UVRAG: variants seen among roughly 807,000 people sequenced by gnomAD.
UVRAG encodes UV radiation resistance associated, also known as UV radiation resistance-associated gene protein.
Under a neutral mutation model 78.0 loss-of-function variants are expected in UVRAG, and 19 were observed. The observed-to-expected ratio is 0.24, with a 90% CI of 0.17 to 0.36. UVRAG has a LOEUF of 0.36. Among genes scored for constraint, UVRAG ranks in the 10% least tolerant of loss-of-function variants. The pLI, the probability that UVRAG is intolerant of heterozygous loss-of-function variation, is 1.00. For synonymous variants in UVRAG, 323 were observed against 324.6 expected (o/e 1.00, Z 0.05); for missense variants, 740 against 853.8 (o/e 0.87, Z 1.66).
At chr11:75,935,978 A>C (rs899683469) in intron 6 of UVRAG, among the ~76,000 whole-genome samples, 47 of 152,206 alleles carry the variant, frequency 3.1e-4, no homozygotes, top group African/African-American at 1.1e-3. Context: ...CTCTCTGTCA[A>C]TCTGAAATAA....
chr11:75,963,000 A>G (rs1000498025), intron 7 of UVRAG, among the ~76,000 whole-genome samples: 1 of 152,184 alleles, frequency 6.6e-6, no homozygotes, highest in African/African-American at 2.4e-5. Flanking sequence ...CCTAGTCAAC[A>G]CAGAAGAAAA....
chr11:76,044,237 A>G (rs1302780731), intron 12 of UVRAG, among the ~76,000 whole-genome samples: 1 of 152,174 alleles, frequency 6.6e-6, no homozygotes, highest in Non-Finnish European at 1.5e-5. Flanking sequence ...GTGGCTTTTA[A>G]ACTTCAGGGG....
intron 12 of UVRAG, among the ~76,000 whole-genome samples, chr11:76,049,151 C>T (rs1474979198): frequency 6.6e-6 from 1 of 152,232 alleles, no homozygotes; most frequent in African/African-American, 2.4e-5. Context: ...CATCTACCTG[C>T]TGTCTCTTGA....
chr11:76,080,801 AAC>A (rs1254954031), intron 13 of UVRAG, among the ~76,000 whole-genome samples: 4 of 152,316 alleles, frequency 2.6e-5, no homozygotes, highest in Middle Eastern at 6.8e-3. Context: ...TACTTTGTAA[AAC>A]ACAGCTATAT....
chr11:75,922,958 C>T lies in UVRAG; in HGVS notation c.593+10919C>T, dbSNP rs146717458. ...GAAAGGAAAAAAAAAAAAAGAAAAA[C>T]GAACATATATATATAAGAAAAAAAT... is the stretch of plus-strand genomic sequence containing the variant. On this transcript the variant is annotated intron_variant, in intron 6 of 14. Coordinates refer to ENST00000356136, the MANE Select transcript of UVRAG (RefSeq NM_003369.4). Among the ~76,000 whole-genome samples the T allele has an allele frequency of 3.5e-3, 513 of 144,602 alleles. 3 individuals carry two copies. Among genetic ancestry groups the T allele is most frequent in the African/African-American group, 0.01 (414 of 39,468 alleles). 94.9% of individuals were successfully genotyped at this position (144,602 alleles called of 152,430 possible). A position where few individuals can be genotyped will look rare whatever the true frequency, so the allele number is the denominator to read the frequency against.
chr11:76,031,547 T>A (rs1185264924), intron 12 of UVRAG, among the ~76,000 whole-genome samples: 1 of 152,230 alleles, frequency 6.6e-6, no homozygotes, highest in East Asian at 1.9e-4. Context: ...CTAGTATTAC[T>A]GTCATCTCAG....
intron 6 of UVRAG, among the ~76,000 whole-genome samples, chr11:75,925,979 C>T (rs1041706211): frequency 2.0e-5 from 3 of 152,004 alleles, no homozygotes; most frequent in East Asian, 3.9e-4. Context: ...AGGAATTCCC[C>T]GTGACATTCT....
intron 13 of UVRAG, among the ~76,000 whole-genome samples, chr11:76,090,718 A>G (rs909840638): frequency 6.6e-6 from 1 of 151,040 alleles, no homozygotes; most frequent in Non-Finnish European, 1.5e-5. Flanking sequence ...TTTTTCTTTG[A>G]TTAGTTTTCA....
chr11:75,840,416 G>A (rs1452194469), intron 1 of UVRAG, among the ~76,000 whole-genome samples: 2 of 152,084 alleles, frequency 1.3e-5, no homozygotes, highest in Non-Finnish European at 2.9e-5. Flanking sequence ...AGAATGGGGC[G>A]GGGGAAGGCA....
At chr11:75,995,209 T>C (rs1400250261) in intron 8 of UVRAG, among the ~76,000 whole-genome samples, 1 of 151,048 alleles carries the variant, frequency 6.6e-6, no homozygotes, top group Non-Finnish European at 1.5e-5. Context: ...TTGACCCAAG[T>C]GTGTCTATGA....
At chr11:75,875,937 G>A (rs1946766213) in intron 3 of UVRAG, among the ~76,000 whole-genome samples, 1 of 152,208 alleles carries the variant, frequency 6.6e-6, no homozygotes, top group Non-Finnish European at 1.5e-5. Flanking sequence ...ACTTTGGGAC[G>A]CTGAGGTGGG....
At chr11:75,871,631 T>C (rs1359477313) in intron 3 of UVRAG, among the ~76,000 whole-genome samples, 1 of 152,238 alleles carries the variant, frequency 6.6e-6, no homozygotes, top group African/African-American at 2.4e-5. Context: ...TTCGTTCATG[T>C]TGTATATAGT....
At chr11:75,950,963 T>TACACACACACACACACACACACAC (rs35864936) in intron 6 of UVRAG, among the ~76,000 whole-genome samples, 12 of 140,054 alleles carry the variant, frequency 8.6e-5, no homozygotes, top group African/African-American at 3.1e-4. Flanking sequence ...TTGTCAGGTG[T>TACACACACACACACACACACACAC]ACACACACAC....
intron 12 of UVRAG, among the ~76,000 whole-genome samples, chr11:76,055,193 A>G (rs1304318286): frequency 6.6e-6 from 1 of 152,004 alleles, no homozygotes; most frequent in Non-Finnish European, 1.5e-5. Context: ...GATTACAGGC[A>G]TACACCATCA....
chr11:76,059,229 C>T (rs1389259006), intron 12 of UVRAG, among the ~76,000 whole-genome samples: 1 of 152,194 alleles, frequency 6.6e-6, no homozygotes, highest in Non-Finnish European at 1.5e-5. Flanking sequence ...ATAGTTTCTC[C>T]ACTTTACAGC....
At chr11:76,054,869 T>C (rs1336618973) in intron 12 of UVRAG, among the ~76,000 whole-genome samples, 1 of 152,246 alleles carries the variant, frequency 6.6e-6, no homozygotes, top group Non-Finnish European at 1.5e-5. Context: ...TAACTATTGC[T>C]AAACAAGTGA....
intron 11 of UVRAG, among the ~76,000 whole-genome samples, chr11:76,009,594 T>G (rs1481876966): frequency 6.6e-6 from 1 of 152,200 alleles, no homozygotes; most frequent in Non-Finnish European, 1.5e-5. Context: ...CTTGAGAAGT[T>G]ACTAAAGAAG....
intron 12 of UVRAG, among the ~76,000 whole-genome samples, chr11:76,065,214 T>C (rs1179693062): frequency 6.6e-6 from 1 of 152,234 alleles, no homozygotes; most frequent in Non-Finnish European, 1.5e-5. Context: ...AATGAATATT[T>C]TAATGAATTT....
At chr11:75,912,442 T>C (rs1947760166) in intron 6 of UVRAG, among the ~76,000 whole-genome samples, 1 of 152,208 alleles carries the variant, frequency 6.6e-6, no homozygotes, top group African/African-American at 2.4e-5. Flanking sequence ...TTCTTTGTCT[T>C]AAAAGAATTA....
Sources: allele counts gnomAD v4.1 joint callset (sites outside exome capture counted in the v4.1 genomes callset), GRCh38; gene constraint gnomAD v4.1.1; transcripts MANE v1.5; gene names NCBI Gene and HGNC (gene_info 2026-07-23, HGNC 2026-07-21).